The following GPC5 variants were observed in gnomAD, a reference collection of about 807,000 sequenced individuals.
GPC5 encodes the protein glypican 5, also known as glypican-5.
In GPC5, 47 loss-of-function variants were observed where a neutral mutation model predicts 53.9. The ratio of observed to expected loss-of-function variants is 0.87; its 90% confidence interval spans 0.69 to 1.11. The LOEUF is 1.11. GPC5 is among the 50% of genes most tolerant of loss of function. The pLI, the probability that GPC5 is intolerant of heterozygous loss-of-function variation, is 0.00. For synonymous variants in GPC5, 286 were observed against 263.3 expected, an observed-to-expected ratio of 1.09 and a Z score of -0.84; for missense variants, 748 against 713.1, an observed-to-expected ratio of 1.05 and a Z score of -0.56.
intron 7 of GPC5, among the ~76,000 whole-genome samples, chr13:92,817,302 A>C (rs1447275527): frequency 6.6e-6 from 1 of 152,016 alleles, no homozygotes; most frequent in East Asian, 1.9e-4. Context: ...CAGCAGGAAA[A>C]AGTAGTATAA....
At position 91,556,522 on chromosome 13, in the gene GPC5, G is replaced by GTATATATATATA. The variant is rs202160698; in HGVS notation, c.325+107605_325+107616dup. Reference sequence around the variant, plus strand: ...AGTGGATAAAGAAATTGCAGTATGTGTATATATATATATATAAAATGTGTG... The same window carrying GTATATATATATA: ...AGTGGATAAAGAAATTGCAGTATGTGTATATATATATATATATATATATATATAAAATGTGTG... On this transcript the variant is annotated intron_variant, in intron 2 of 7. Coordinates refer to ENST00000377067, the MANE Select transcript of GPC5 (RefSeq NM_004466.6). Among the ~76,000 whole-genome samples, 270 of 147,586 alleles carry GTATATATATATA rather than the reference G, an allele frequency of 1.8e-3. 1 individual carries two copies. Among genetic ancestry groups the GTATATATATATA allele is most frequent in the African/African-American group, 6.4e-3 (257 of 40,098 alleles).
At chr13:92,446,180 A>G (rs1374255921) in intron 7 of GPC5, among the ~76,000 whole-genome samples, 4 of 151,984 alleles carry the variant, frequency 2.6e-5, no homozygotes, top group Non-Finnish European at 5.9e-5. Flanking sequence ...ACTAGATTTT[A>G]TTCATTCTTT....
At chr13:92,724,255 A>G (rs1484943637) in intron 7 of GPC5, among the ~76,000 whole-genome samples, 1 of 151,682 alleles carries the variant, frequency 6.6e-6, no homozygotes, top group African/African-American at 2.4e-5. Flanking sequence ...AGCAAGCTAT[A>G]AGAGAATTTA....
intron 5 of GPC5, among the ~76,000 whole-genome samples, chr13:91,801,222 A>G (rs1023718300): frequency 1.3e-5 from 2 of 150,682 alleles, no homozygotes; most frequent in African/African-American, 4.9e-5. Context: ...CCAGATGTTG[A>G]GCAGAACTAA....
At chr13:92,103,001 G>GA (rs2041479195) in intron 6 of GPC5, among the ~76,000 whole-genome samples, 1 of 152,162 alleles carries the variant, frequency 6.6e-6, no homozygotes, top group Non-Finnish European at 1.5e-5. Flanking sequence ...TGGGATGACA[G>GA]AAGTGTTACC....
rs542027453 is a variant in GPC5, at chr13:92,131,387, T to C, written c.1402-13443T>C. On this transcript the variant is annotated intron_variant, in intron 6 of 7. Coordinates refer to ENST00000377067, the MANE Select transcript of GPC5 (RefSeq NM_004466.6). ...GTCTATGTCAGTCTATCAAAAGATA[T>C]GTATAAGATATTCAATTAGCGTTAT... Among the ~76,000 whole-genome samples, 5 of 152,160 alleles carry C rather than the reference T, an allele frequency of 3.3e-5. No individual in the cohort carries two copies. The East Asian group carries it at 7.7e-4, about 23-fold the overall frequency.
intron 6 of GPC5, among the ~76,000 whole-genome samples, chr13:92,084,954 G>A (rs1196971561): frequency 6.6e-6 from 1 of 152,182 alleles, no homozygotes; most frequent in African/African-American, 2.4e-5. Flanking sequence ...GATGTCAGCA[G>A]ATTTGATATC....
chr13:92,142,838 C>T (rs1484052460), intron 6 of GPC5, among the ~76,000 whole-genome samples: 1 of 152,044 alleles, frequency 6.6e-6, no homozygotes, highest in African/African-American at 2.4e-5. Context: ...AAAAGAATGT[C>T]GAGGTCAAAA....
At chr13:91,422,270 C>T (rs981867008) in intron 1 of GPC5, among the ~76,000 whole-genome samples, 4 of 152,156 alleles carry the variant, frequency 2.6e-5, no homozygotes, top group Non-Finnish European at 5.9e-5. Context: ...CAGTATTTTA[C>T]TCTTAAATAT....
intron 7 of GPC5, among the ~76,000 whole-genome samples, chr13:92,243,820 A>G (rs1418842821): frequency 2.6e-5 from 4 of 152,044 alleles, no homozygotes; most frequent in African/African-American, 7.2e-5. Context: ...AGATCTGTGC[A>G]TGTAAGGAAA....
At chr13:92,492,167 T>C (rs537192520) in intron 7 of GPC5, among the ~76,000 whole-genome samples, 2 of 152,322 alleles carry the variant, frequency 1.3e-5, no homozygotes, top group East Asian at 3.9e-4. Flanking sequence ...GCATTTTGTG[T>C]GTGTATATGT....
intron 7 of GPC5, among the ~76,000 whole-genome samples, chr13:92,182,234 A>C (rs779039412): frequency 7.2e-5 from 11 of 152,190 alleles, no homozygotes; most frequent in Non-Finnish European, 1.5e-4. Flanking sequence ...TATTTTAACA[A>C]TTCTATCCAA....
chr13:91,721,122 TTTCTTTCTTTCTTTC>T (rs1566636538), intron 3 of GPC5, among the ~76,000 whole-genome samples: 3 of 110,650 alleles, frequency 2.7e-5, no homozygotes, highest in East Asian at 4.9e-4. Context: ...TCTTTCTTTC[TTTCTTTCTTTCTTTC>T]TTTTTTTGGG....
chr13:92,577,131 A>C (rs1050901035), intron 7 of GPC5, among the ~76,000 whole-genome samples: 5 of 152,172 alleles, frequency 3.3e-5, no homozygotes, highest in African/African-American at 1.2e-4. Flanking sequence ...TGGGAAAGTC[A>C]TGTGGGTATA....
At chr13:91,943,692 C>T (rs1442645442) in intron 6 of GPC5, among the ~76,000 whole-genome samples, 4 of 152,068 alleles carry the variant, frequency 2.6e-5, no homozygotes, top group Non-Finnish European at 5.9e-5. Context: ...AGGAGTAGGA[C>T]GGATTATATT....
chr13:91,729,240 A>G (rs887037813), intron 4 of GPC5, among the ~76,000 whole-genome samples: 22 of 152,156 alleles, frequency 1.4e-4, no homozygotes, highest in African/African-American at 4.8e-4. Context: ...GCTAACTCAC[A>G]TTTCTACCAC....
intron 7 of GPC5, among the ~76,000 whole-genome samples, chr13:92,416,775 A>T (rs1437127288): frequency 6.6e-6 from 1 of 152,236 alleles, no homozygotes; most frequent in Non-Finnish European, 1.5e-5. Flanking sequence ...ATCAAGAGTG[A>T]AAAAACAACT....
chr13:92,661,133 TTAA>T lies in GPC5; in HGVS notation c.1562-205138_1562-205136del, dbSNP rs577358127. Reference sequence around the variant, plus strand: ...TGGGCAACAAAGTGAAACCCCATCTTTAATAATAATAATTAGCTGGGTGTGGTG... The same window carrying T: ...TGGGCAACAAAGTGAAACCCCATCTTTAATAATAATTAGCTGGGTGTGGTG... On this transcript the variant is annotated intron_variant, in intron 7 of 7. Coordinates refer to ENST00000377067, the MANE Select transcript of GPC5 (RefSeq NM_004466.6). 7.2e-5 allele frequency among the ~76,000 whole-genome samples: 11 copies of T among 151,850 alleles called. No individual in the cohort carries two copies. In the East Asian group the frequency reaches 1.6e-3, roughly 21 times the overall value.
At chr13:92,743,055 G>A (rs999661117) in intron 7 of GPC5, among the ~76,000 whole-genome samples, 8 of 151,932 alleles carry the variant, frequency 5.3e-5, no homozygotes, top group African/African-American at 1.9e-4. Context: ...GGATTGACTT[G>A]GCGATGCAGG....
Sources: gnomAD v4.1 joint callset for allele counts (sites outside exome capture counted in the v4.1 genomes callset) on GRCh38, gnomAD v4.1.1 for gene constraint, MANE v1.5 for transcripts, NCBI Gene and HGNC (gene_info 2026-07-23, HGNC 2026-07-21) for gene names.